The following UNC13C variants were observed in gnomAD, a reference collection of about 807,000 sequenced individuals.
UNC13C encodes unc-13 homolog C, also known as protein unc-13 homolog C.
UNC13C carries 174 observed loss-of-function variants against 245.4 expected under a neutral mutation model. That is an observed-to-expected ratio of 0.71 (90% CI 0.63 to 0.80). The LOEUF is 0.80. Among genes scored for constraint, UNC13C ranks in the 30% least tolerant of loss-of-function variants. The pLI is 0.00. For synonymous variants in UNC13C, 992 were observed against 895.1 expected, an observed-to-expected ratio of 1.11 and a Z score of -1.93; for missense variants, 2,829 against 2,602.9, an observed-to-expected ratio of 1.09 and a Z score of -1.89.
At chr15:53,990,058 G>C (rs903077063) in intron 1 of UNC13C, among the ~76,000 whole-genome samples, 1 of 152,002 alleles carries the variant, frequency 6.6e-6, no homozygotes, top group Non-Finnish European at 1.5e-5. Context: ...AGGTCAGCTT[G>C]TCCAAAAGCT....
rs181955703 is a variant in UNC13C at position 54,287,181 on chromosome 15, A to G, written c.3819-6714A>G. Among the ~76,000 whole-genome samples, 255 of 152,258 alleles carry G rather than the reference A, an allele frequency of 1.7e-3. 2 individuals carry two copies. Among genetic ancestry groups the G allele is most frequent in the South Asian group, 0.012 (58 of 4,820 alleles). On this transcript the variant is annotated intron_variant, in intron 10 of 32. Coordinates refer to ENST00000260323, the MANE Select transcript of UNC13C (RefSeq NM_001080534.3). ...ATGCATTCTCCCACTATTACACATG[A>G]TAGATTTTTTTCCTCTTGTATGTGA...
intron 2 of UNC13C, among the ~76,000 whole-genome samples, chr15:54,133,786 C>T (rs1043441733): frequency 6.6e-6 from 1 of 152,186 alleles, no homozygotes; most frequent in South Asian, 2.1e-4. Context: ...TCTATATACA[C>T]AATATCTGTA....
intron 18 of UNC13C, among the ~76,000 whole-genome samples, chr15:54,413,629 G>A (rs1391231577): frequency 6.6e-6 from 1 of 151,986 alleles, no homozygotes; most frequent in Non-Finnish European, 1.5e-5. Flanking sequence ...TTTTAAAATC[G>A]AATGCCTTAT....
intron 4 of UNC13C, among the ~76,000 whole-genome samples, chr15:54,167,457 G>A (rs1243447139): frequency 7.7e-5 from 11 of 143,592 alleles, no homozygotes; most frequent in African/African-American, 2.3e-4. Flanking sequence ...AGCCGAGATC[G>A]CGCCACTGCA....
intron 30 of UNC13C, among the ~76,000 whole-genome samples, chr15:54,571,718 A>C (rs1897763557): frequency 1.3e-5 from 2 of 152,216 alleles, no homozygotes; most frequent in African/African-American, 4.8e-5. Flanking sequence ...CTGCCTGAGG[A>C]GCCACAGGCA....
chr15:54,484,518 G>A (rs11858061), intron 19 of UNC13C, among the ~76,000 whole-genome samples: 66,873 of 151,564 alleles, frequency 0.44, 14,986 homozygotes, highest in East Asian at 0.71. Context: ...TACATTATCA[G>A]TAAAGTAAGT....
At chr15:54,110,380 T>C (rs1900707478) in intron 2 of UNC13C, among the ~76,000 whole-genome samples, 1 of 152,154 alleles carries the variant, frequency 6.6e-6, no homozygotes, top group South Asian at 2.1e-4. Context: ...CTATACCATA[T>C]AGCAATACCA....
At chr15:54,061,900 T>G (rs1897854214) in intron 2 of UNC13C, among the ~76,000 whole-genome samples, 1 of 152,140 alleles carries the variant, frequency 6.6e-6, no homozygotes, top group Non-Finnish European at 1.5e-5. Flanking sequence ...GTCATGGATG[T>G]TTGTAAATTT....
chr15:54,563,158 A>C (rs1897365257), intron 29 of UNC13C, among the ~76,000 whole-genome samples: 1 of 151,992 alleles, frequency 6.6e-6, no homozygotes. Context: ...AGAAATGTAG[A>C]CCCAGCATTC....
At chr15:54,481,329 C>T (rs938949654) in intron 19 of UNC13C, among the ~76,000 whole-genome samples, 8 of 152,128 alleles carry the variant, frequency 5.3e-5, no homozygotes, top group African/African-American at 1.9e-4. Context: ...CCAGCAGTGG[C>T]AGTGCAGGAC....
chr15:54,546,782 A>G lies in UNC13C; in HGVS notation c.5757A>G (p.Leu1919=). The G allele has an allele frequency of 1.3e-6, 2 of 1,565,272 alleles. No homozygotes were observed. The highest frequency in any genetic ancestry group is 1.2e-5 in the South Asian group (1 of 84,692). The change falls in exon 27 of 33, where the codon TTA becomes TTG. Residue 1919 remains leucine (L), a synonymous_variant. Transcript: ENST00000260323. ...TCCTAAAGCGAGTTTTAAAAGAGTT[A>G]TGGAAGCTAGTTCTCAACAAAATAG... ...KTVLKRVLKE[L]WKLVLNKIEK...
intron 2 of UNC13C, among the ~76,000 whole-genome samples, chr15:54,081,507 T>G (rs922949844): frequency 6.6e-6 from 1 of 152,154 alleles, no homozygotes; most frequent in Non-Finnish European, 1.5e-5. Context: ...AGTTAAATTT[T>G]CTTGTTGAAT....
At chr15:54,310,653 G>A (rs573568903) in intron 13 of UNC13C, among the ~76,000 whole-genome samples, 27 of 151,760 alleles carry the variant, frequency 1.8e-4, no homozygotes, top group East Asian at 1.8e-3. Context: ...CACAGAAGAC[G>A]GCTAGGTTTA....
intron 30 of UNC13C, among the ~76,000 whole-genome samples, chr15:54,600,337 A>C (rs1037608349): frequency 3.3e-5 from 5 of 152,152 alleles, no homozygotes; most frequent in Non-Finnish European, 7.4e-5. Context: ...TAATGGAGGC[A>C]TATGATTTCG....
At chr15:53,906,744 T>C in the UNC13C span, among the ~76,000 whole-genome samples, 1 of 152,114 alleles carries the variant, frequency 6.6e-6, no homozygotes, top group East Asian at 1.9e-4. Flanking sequence ...CTACCCGAGA[T>C]TGGGTAATTT....
chr15:54,323,650 C>A (rs1447084369), intron 14 of UNC13C, among the ~76,000 whole-genome samples: 1 of 151,970 alleles, frequency 6.6e-6, no homozygotes, highest in Admixed American at 6.6e-5. Context: ...TTGACTCTTG[C>A]AGAAGCTGGA....
intron 32 of UNC13C, 126 bp from the exon 33 acceptor site, chr15:54,626,702 G>T: frequency 1.2e-6 from 1 of 865,118 alleles, no homozygotes. Flanking sequence ...AAAATACACT[G>T]ATATCCTATT....
Position 54,540,848 on chromosome 15 carries a change from G to A in UNC13C, c.5697-5874G>A, listed in dbSNP as rs76582951. Among the ~76,000 whole-genome samples, 1,306 of 152,142 alleles carry A rather than the reference G, an allele frequency of 8.6e-3. 14 individuals are homozygous for A. The highest frequency in any genetic ancestry group is 0.03 in the African/African-American group (1,235 of 41,522). On this transcript the variant is annotated intron_variant, in intron 26 of 32. Coordinates refer to ENST00000260323, the MANE Select transcript of UNC13C (RefSeq NM_001080534.3). ...AGCATGCCAAGTATGTGAGCTGACC[G>A]TAAACACAAGATTAATTCTTAGACT...
At chr15:54,070,774 T>C (rs1405891974) in intron 2 of UNC13C, among the ~76,000 whole-genome samples, 3 of 152,144 alleles carry the variant, frequency 2.0e-5, no homozygotes, top group Non-Finnish European at 2.9e-5. Context: ...GCCTTGTGGA[T>C]ATTTGATCAA....
Sources: gnomAD v4.1 joint callset for allele counts (sites outside exome capture counted in the v4.1 genomes callset) on GRCh38, gnomAD v4.1.1 for gene constraint, MANE v1.5 for transcripts, NCBI Gene and HGNC (gene_info 2026-07-23, HGNC 2026-07-21) for gene names.